The following SRPRA variants were observed in gnomAD, a reference collection of about 807,000 sequenced individuals.
SRPRA encodes the protein signal recognition particle receptor subunit alpha.
Under a neutral mutation model 61.1 loss-of-function variants are expected in SRPRA, and 30 were observed. The observed-to-expected ratio is 0.49, with a 90% CI of 0.37 to 0.67. SRPRA has a LOEUF of 0.67. SRPRA is among the 30% of genes least tolerant of loss of function. The pLI, the probability that SRPRA is intolerant of heterozygous loss-of-function variation, is 0.00. For missense variants in SRPRA, 759 were observed against 828.4 expected, an observed-to-expected ratio of 0.92 and a Z score of 1.03; for synonymous variants, 324 against 299.7, an observed-to-expected ratio of 1.08 and a Z score of -0.84.
Position 126,265,363 on chromosome 11 carries a change from G to A in SRPRA, c.1216C>T (p.Leu406Phe). The A allele has an allele frequency of 3.7e-6, 6 of 1,613,482 alleles. No homozygotes were observed. Among genetic ancestry groups the A allele is most frequent in the Non-Finnish European group, 5.1e-6 (6 of 1,179,888 alleles). Residue 406 changes from leucine to phenylalanine, a missense_variant, in exon 10 of 14, where the codon CTC (leucine) becomes TTC (phenylalanine). Leu to Phe is a conservative substitution (Grantham distance 22). Transcript: ENST00000332118. The surrounding 1 kb of genome is among the most constrained non-coding windows in gnomAD (Gnocchi z 6.3). ...ILQPQRRVDM[L>F]RDIMDAQRRQ... The stretch of plus-strand genomic sequence containing the variant: ...CGCTGGGCATCCATGATGTCCCGGA[G>A]CATGTCTACACGACGCTGTGGCTGC...
At chr11:126,254,120 A>G in the SRPRA span, among the ~76,000 whole-genome samples, 1 of 152,218 alleles carries the variant, frequency 6.6e-6, no homozygotes, top group Non-Finnish European at 1.5e-5. Flanking sequence ...TGTTGCCATC[A>G]TTCTTGACAG....
the SRPRA span, among the ~76,000 whole-genome samples, chr11:126,256,113 A>G: frequency 6.6e-6 from 1 of 152,172 alleles, no homozygotes; most frequent in Non-Finnish European, 1.5e-5. This position sits in a 1 kb window ranked among gnomAD's most constrained non-coding sequence, Gnocchi z 6.6. Flanking sequence ...TCTACTAAAC[A>G]TTCAAAAATT....
At chr11:126,249,731 C>CA in the SRPRA span, among the ~76,000 whole-genome samples, 26,177 of 78,692 alleles carry the variant, frequency 0.33, 4,602 homozygotes, top group East Asian at 0.55. Flanking sequence ...GACTCCGTCT[C>CA]AAAAAAAAAA....
In SRPRA at chr11:126,266,482, G is replaced by C. The variant is rs373208882; in HGVS notation, c.834C>G (p.Ile278Met). Residue 278 changes from isoleucine (I) to methionine (M), a missense_variant, in exon 6 of 14, where the codon ATC becomes ATG. By Grantham distance (10) the Ile-to-Met change is conservative. Transcript: ENST00000332118. ...GACCCCTGTTACCTCTTACCAGGTT[G>C]ATGTCCTCAGACAAGGCAGCCTCAG... ...GTPEAALSED[I>M]NLIRGTGSGG... The C allele has an allele frequency of 1.4e-5, 23 of 1,613,610 alleles. No homozygotes were observed. The highest frequency in any genetic ancestry group is 1.9e-5 in the Non-Finnish European group (22 of 1,179,808).
intron 1 of SRPRA, among the ~76,000 whole-genome samples, chr11:126,268,349 C>A (rs1254200686): frequency 6.6e-6 from 1 of 152,184 alleles, no homozygotes; most frequent in Non-Finnish European, 1.5e-5. Flanking sequence ...TTACTAGCAG[C>A]TATACACCAT....
In SRPRA at chr11:126,266,539, C is replaced by T. The variant is rs1354621250; in HGVS notation, c.777G>A (p.Leu259=). The part of the protein sequence containing the change: ...ELGGCANKEV[L]DYSTPTTNGT... ...CATTGGTGGTGGGAGTACTGTAATC[C>T]AACACTTCTTTGTTAGCACAGCCAC... is the stretch of plus-strand genomic sequence containing the variant. The change falls in exon 6 of 14, where the codon TTG becomes TTA. Residue 259 remains leucine, a synonymous_variant. Coordinates refer to ENST00000332118, the MANE Select transcript of SRPRA (RefSeq NM_003139.4). 1.9e-6 allele frequency: 3 copies of T among 1,614,038 alleles called. No homozygotes were observed. In the Middle Eastern group the frequency reaches 4.9e-4, roughly 265 times the overall value.
intron 1 of SRPRA, 50 bp downstream of exon 1, chr11:126,268,638 A>T (rs758376524): frequency 6.7e-7 from 1 of 1,502,152 alleles, no homozygotes; most frequent in South Asian, 1.1e-5. Flanking sequence ...GGGACCATGG[A>T]TCGGGTCAGG....
the SRPRA span, among the ~76,000 whole-genome samples, chr11:126,238,648 A>G: frequency 2.0e-5 from 3 of 152,124 alleles, no homozygotes; most frequent in African/African-American, 7.2e-5. Flanking sequence ...CCTCTGGTCA[A>G]CCTCTGCAGA....
In SRPRA at chr11:126,264,625, C is replaced by T; in HGVS notation, c.1526-86G>A. 2.7e-6 allele frequency: 4 copies of T among 1,492,822 alleles called. No homozygotes were observed. Among genetic ancestry groups the T allele is most frequent in the Non-Finnish European group, 3.6e-6 (4 of 1,099,696 alleles). 92.5% of individuals were successfully genotyped at this position (1,492,822 alleles called of 1,614,324 possible). A position where few individuals can be genotyped will look rare whatever the true frequency, so the allele number is the denominator to read the frequency against. On this transcript the variant is annotated intron_variant, in intron 11 of 13. Coordinates refer to ENST00000332118, the MANE Select transcript of SRPRA (RefSeq NM_003139.4). This position sits in a 1 kb window ranked among gnomAD's most constrained non-coding sequence, Gnocchi z 5.0. ...TTCCTCTCAAAAAGTCCTAGTTTGACTACCTGTTCACTGTCTTGGGCTCTG... is the reference window on the plus strand; with the variant it reads ...TTCCTCTCAAAAAGTCCTAGTTTGATTACCTGTTCACTGTCTTGGGCTCTG...
At chr11:126,257,435 G>A in the SRPRA span, among the ~76,000 whole-genome samples, 2 of 152,066 alleles carry the variant, frequency 1.3e-5, no homozygotes, top group South Asian at 2.1e-4. Flanking sequence ...CCTAAAATTG[G>A]TGGAGATTCT....
the SRPRA span, among the ~76,000 whole-genome samples, chr11:126,241,870 C>A: frequency 1.3e-5 from 2 of 151,822 alleles, no homozygotes; most frequent in Middle Eastern, 3.4e-3. Flanking sequence ...TCTTAAAAAT[C>A]AGGCTTCTAG....
At chr11:126,236,917 CTTTTT>C in the SRPRA span, among the ~76,000 whole-genome samples, 1 of 68,410 alleles carries the variant, frequency 1.5e-5, no homozygotes, top group Non-Finnish European at 2.5e-5. Flanking sequence ...TTCACAGATG[CTTTTT>C]TTTTTTTTTT....
At chr11:126,261,520 T>C (rs1286339292), downstream of SRPRA, 1 of 1,549,630 alleles carries the variant, frequency 6.5e-7, no homozygotes, top group Non-Finnish European at 8.9e-7. Context: ...TATCACTCTG[T>C]AGCAGAAAGT....
the SRPRA span, among the ~76,000 whole-genome samples, chr11:126,255,271 C>T: frequency 6.6e-6 from 1 of 152,200 alleles, no homozygotes; most frequent in African/African-American, 2.4e-5. The surrounding 1 kb of genome is among the most constrained non-coding windows in gnomAD (Gnocchi z 4.6). Context: ...CTGCCCCCAG[C>T]TCTAAGAATC....
chr11:126,238,924 A>G, the SRPRA span, among the ~76,000 whole-genome samples: 1 of 151,734 alleles, frequency 6.6e-6, no homozygotes, highest in South Asian at 2.1e-4. Flanking sequence ...TTTACAAAGA[A>G]CCAGTAATAA....
the SRPRA span, chr11:126,241,093 A>G: frequency 6.7e-7 from 1 of 1,502,084 alleles, no homozygotes; most frequent in Non-Finnish European, 8.9e-7. Context: ...CTAAAATTTA[A>G]CTATCACAAC....
the SRPRA span, among the ~76,000 whole-genome samples, chr11:126,251,568 G>A: frequency 3.3e-5 from 5 of 152,100 alleles, no homozygotes; most frequent in East Asian, 1.9e-4. Flanking sequence ...TTCCGCCTAC[G>A]CCCTCATATT....
chr11:126,268,836 C>G lies in SRPRA; in HGVS notation c.-32G>C. On this transcript the variant is annotated 5_prime_UTR_variant, in exon 1 of 14. Coordinates refer to ENST00000332118, the MANE Select transcript of SRPRA (RefSeq NM_003139.4). ...AGCGGCAGAGGAGCTGGGGCCGGCG[C>G]CGGGAATTCAGGCCGCGTTCGCCGC... is the stretch of plus-strand genomic sequence containing the variant. The G allele has an allele frequency of 6.3e-7, 1 of 1,581,776 alleles. No individual in the cohort carries two copies. The highest frequency in any genetic ancestry group is 1.7e-5 in the Admixed American group (1 of 59,762).
the SRPRA span, among the ~76,000 whole-genome samples, chr11:126,247,430 AT>A: frequency 7.9e-5 from 12 of 152,204 alleles, no homozygotes; most frequent in South Asian, 2.1e-4. Context: ...AGTGACCTGG[AT>A]TTTTTTCCCC....
Sources: allele counts gnomAD v4.1 joint callset (sites outside exome capture counted in the v4.1 genomes callset), GRCh38; gene constraint gnomAD v4.1.1; non-coding constraint Gnocchi (gnomAD v3.1); transcripts MANE v1.5; gene names NCBI Gene and HGNC (gene_info 2026-07-23, HGNC 2026-07-21).